The following CTNND2 variants were observed in gnomAD, a reference collection of about 807,000 sequenced individuals.
CTNND2 encodes the protein catenin delta-2.
In CTNND2, 22 loss-of-function variants were observed where a neutral mutation model predicts 144.4. That is an observed-to-expected ratio of 0.15 (90% CI 0.11 to 0.22). The LOEUF (loss-of-function observed/expected upper bound fraction) is 0.22. Among genes scored for constraint, CTNND2 ranks in the 10% least tolerant of loss-of-function variants. The pLI is 1.00. For synonymous variants in CTNND2, 751 were observed against 695.6 expected, an observed-to-expected ratio of 1.08 and a Z score of -1.25; for missense variants, 1,353 against 1,618.8, an observed-to-expected ratio of 0.84 and a Z score of 2.82.
intron 11 of CTNND2, among the ~76,000 whole-genome samples, chr5:11,182,692 A>G (rs1187991482): frequency 6.6e-6 from 1 of 152,206 alleles, no homozygotes; most frequent in South Asian, 2.1e-4. Context: ...GCAACAGTCA[A>G]TGGGGAGAAG....
At chr5:11,312,137 C>T (rs1268830641) in intron 9 of CTNND2, among the ~76,000 whole-genome samples, 1 of 140,528 alleles carries the variant, frequency 7.1e-6, no homozygotes, top group Non-Finnish European at 1.6e-5. Flanking sequence ...CATACATCCT[C>T]TCCCCCACCA....
rs144706426 is a variant in CTNND2, at chr5:11,397,872, T to A, written c.440-669A>T. On this transcript the variant is annotated intron_variant, in intron 5 of 21. Transcript: ENST00000304623. ...AGCTGATATTACAAGGGGTGAAGAA[T>A]CAGTTTCTGGTCTTACTTAATTATA... 9.2e-5 allele frequency among the ~76,000 whole-genome samples: 14 copies of A among 152,326 alleles called. No homozygotes were observed. The East Asian group carries it at 2.5e-3, about 27-fold the overall frequency.
chr5:11,759,524 T>A (rs1051994287), intron 1 of CTNND2, among the ~76,000 whole-genome samples: 1 of 151,206 alleles, frequency 6.6e-6, no homozygotes, highest in Non-Finnish European at 1.5e-5. Flanking sequence ...TACAAAAGTT[T>A]TTTCTATATT....
chr5:11,542,677 T>C (rs11740712), intron 3 of CTNND2, among the ~76,000 whole-genome samples: 3,906 of 152,362 alleles, frequency 0.026, 86 homozygotes, highest in Non-Finnish European at 0.043. Flanking sequence ...AAGGTCATTA[T>C]ACACTCTTAA....
chr5:11,098,689 C>T lies in CTNND2; in HGVS notation c.2523G>A (p.Leu841=), dbSNP rs1259876497. ...AGGGTTTGACTATTGATGGGTGCCA[C>T]AGCATCTGGATCCCTTTTGGTGGTT... is the stretch of plus-strand genomic sequence containing the variant. The part of the protein sequence containing the change: ...CAEPPKGIQM[L]WHPSIVKPYL... Residue 841 remains leucine, a synonymous_variant, in exon 15 of 22, where the codon CTG becomes CTA. Transcript: ENST00000304623. 2 of 1,614,176 alleles carry T rather than the reference C, an allele frequency of 1.2e-6. No homozygotes were observed. The highest frequency in any genetic ancestry group is 2.2e-5 in the South Asian group (2 of 91,084).
In CTNND2 at chr5:11,471,168, G is replaced by A. The variant is rs556056276; in HGVS notation, c.288-59099C>T. Among the ~76,000 whole-genome samples the A allele has an allele frequency of 9.3e-5, 14 of 151,002 alleles. No homozygotes were observed. The Middle Eastern group carries it at 0.01, about 112-fold the overall frequency. On this transcript the variant is annotated intron_variant, in intron 3 of 21. Coordinates refer to ENST00000304623, the MANE Select transcript of CTNND2 (RefSeq NM_001332.4). ...AATTTTTTGTATTTTTAGTAGAGAC[G>A]GGGTTTCACAGTGTTAGCCAGGATG...
intron 3 of CTNND2, among the ~76,000 whole-genome samples, chr5:11,455,789 T>C (rs181514242): frequency 1.3e-5 from 2 of 152,204 alleles, no homozygotes; most frequent in East Asian, 1.9e-4. Flanking sequence ...AAGAAGGTTT[T>C]TTTTTCTGCT....
At chr5:11,612,454 G>C (rs1299330134) in intron 2 of CTNND2, among the ~76,000 whole-genome samples, 2 of 152,068 alleles carry the variant, frequency 1.3e-5, no homozygotes. Context: ...AAGATACATG[G>C]GATCTTAGCT....
intron 2 of CTNND2, among the ~76,000 whole-genome samples, chr5:11,710,091 C>CT (rs1785938854): frequency 6.6e-6 from 1 of 152,074 alleles, no homozygotes; most frequent in Non-Finnish European, 1.5e-5. Flanking sequence ...ACAGATAACT[C>CT]TAATACCTGT....
chr5:11,451,135 A>G (rs61760340), intron 3 of CTNND2, among the ~76,000 whole-genome samples: 22 of 152,130 alleles, frequency 1.4e-4, no homozygotes, highest in Admixed American at 4.6e-4. Flanking sequence ...GTATATATAT[A>G]AAATACGAAT....
chr5:11,111,978 C>G (rs1272613974), intron 13 of CTNND2, among the ~76,000 whole-genome samples: 1 of 151,376 alleles, frequency 6.6e-6, no homozygotes, highest in Non-Finnish European at 1.5e-5. Flanking sequence ...TCCCAAGTAG[C>G]TGGGACTACA....
chr5:11,698,432 G>T (rs1785241897), intron 2 of CTNND2, among the ~76,000 whole-genome samples: 1 of 151,980 alleles, frequency 6.6e-6, no homozygotes, highest in South Asian at 2.1e-4. Context: ...GGGATTAAAG[G>T]CATGCGCCAC....
chr5:11,256,537 T>G (rs979762723), intron 9 of CTNND2, among the ~76,000 whole-genome samples: 9 of 152,226 alleles, frequency 5.9e-5, no homozygotes, highest in African/African-American at 1.9e-4. Flanking sequence ...TAGTAGATAT[T>G]CAATGAACAA....
intron 3 of CTNND2, among the ~76,000 whole-genome samples, chr5:11,536,176 A>T (rs1774202272): frequency 6.6e-6 from 1 of 152,026 alleles, no homozygotes; most frequent in South Asian, 2.1e-4. Flanking sequence ...CAATCCTCCC[A>T]CTTCAGTCTC....
Position 11,128,068 on chromosome 5 carries a change from T to C in CTNND2, c.2160-10501A>G, listed in dbSNP as rs139036908. On this transcript the variant is annotated intron_variant, in intron 12 of 21. Coordinates refer to ENST00000304623, the MANE Select transcript of CTNND2 (RefSeq NM_001332.4). ...GTTGCAGATGGAATTAAGGTTACAA[T>C]GTTTAAAATAGGGAGACTTTCCCTA... Among the ~76,000 whole-genome samples the C allele has an allele frequency of 4.5e-4, 69 of 151,990 alleles. No homozygotes were observed. The South Asian group carries it at 8.1e-3, about 18-fold the overall frequency.
chr5:11,892,717 C>G (rs1004420037), intron 1 of CTNND2, among the ~76,000 whole-genome samples: 7 of 151,904 alleles, frequency 4.6e-5, no homozygotes, highest in African/African-American at 1.7e-4. Context: ...ACATAGCCAC[C>G]AAATCCCAGC....
chr5:11,169,737 G>A (rs1376054024), intron 11 of CTNND2, among the ~76,000 whole-genome samples: 5 of 152,190 alleles, frequency 3.3e-5, no homozygotes, highest in East Asian at 1.9e-4. Flanking sequence ...ACATAAGCGC[G>A]CTAATTGAAT....
At chr5:11,817,427 GA>G (rs1258401190) in intron 1 of CTNND2, among the ~76,000 whole-genome samples, 4 of 2,020 alleles carry the variant, frequency 2.0e-3, no homozygotes, top group Middle Eastern at 0.25. Context: ...GAGAGAGAGA[GA>G]GAGAGAGAGA....
intron 9 of CTNND2, among the ~76,000 whole-genome samples, chr5:11,266,246 AATTT>A (rs749359873): frequency 2.0e-5 from 3 of 152,352 alleles, no homozygotes; most frequent in Non-Finnish European, 4.4e-5. Flanking sequence ...AAGTAAAAAT[AATTT>A]ATTTCCCAGA....
Sources: gnomAD v4.1 joint callset for allele counts (sites outside exome capture counted in the v4.1 genomes callset) on GRCh38, gnomAD v4.1.1 for gene constraint, MANE v1.5 for transcripts, NCBI Gene and HGNC (gene_info 2026-07-23, HGNC 2026-07-21) for gene names.